The following MFHAS1 variants were observed in gnomAD, a reference collection of about 807,000 sequenced individuals.
MFHAS1 encodes malignant fibrous histiocytoma-amplified sequence 1.
Under a neutral mutation model 70.4 loss-of-function variants are expected in MFHAS1, and 50 were observed. That is an observed-to-expected ratio of 0.71 (90% CI 0.57 to 0.90). The LOEUF (loss-of-function observed/expected upper bound fraction) is 0.90. Among genes scored for constraint, MFHAS1 ranks in the 40% least tolerant of loss-of-function variants. The probability of loss-of-function intolerance (pLI) is 0.00; values close to 1 mark genes in which losing one functional copy is unlikely to be tolerated. For missense variants in MFHAS1, 1,795 were observed against 1,347.6 expected (o/e 1.33, Z -5.20); for synonymous variants, 952 against 620.0 (o/e 1.54, Z -7.96).
At chr8:8,811,197 A>T (rs1176651643) in intron 1 of MFHAS1, among the ~76,000 whole-genome samples, 1 of 152,120 alleles carries the variant, frequency 6.6e-6, no homozygotes. Context: ...AGGCCATTTG[A>T]AACCCACAGC....
At position 8,891,817 on chromosome 8, in the gene MFHAS1, C is replaced by G. The variant is rs2116954878; in HGVS notation, c.1242G>C (p.Leu414=). 6.2e-7 allele frequency: 1 copy of G among 1,613,366 alleles called. No homozygotes were observed. Among genetic ancestry groups the G allele is most frequent in the Non-Finnish European group, 8.5e-7 (1 of 1,179,970 alleles). ...TCTTTCCTGCAGCCTTATGCCCCAT[C>G]AGGAGCAGCTTGAGCCGGGGCTGCA... ...PAVQPRLKLL[L]MGHKAAGKTL... is the part of the protein sequence containing the mutation. The change falls in exon 1 of 3, where the codon CTG becomes CTC. Residue 414 remains leucine, a synonymous_variant. Coordinates refer to ENST00000276282, the MANE Select transcript of MFHAS1 (RefSeq NM_004225.3). This position sits in a 1 kb window ranked among gnomAD's most constrained non-coding sequence, Gnocchi z 5.4.
intron 1 of MFHAS1, among the ~76,000 whole-genome samples, chr8:8,827,366 C>T (rs1369745020): frequency 6.6e-6 from 1 of 152,178 alleles, no homozygotes; most frequent in Non-Finnish European, 1.5e-5. Context: ...TGTAGAAATG[C>T]CCTTCAACAG....
At chr8:8,806,618 T>C (rs1023889243) in intron 1 of MFHAS1, among the ~76,000 whole-genome samples, 6 of 152,152 alleles carry the variant, frequency 3.9e-5, no homozygotes, top group Non-Finnish European at 7.3e-5. Context: ...ACAAGAACAA[T>C]AGATGCTTTC....
intron 1 of MFHAS1, among the ~76,000 whole-genome samples, chr8:8,881,125 AT>A (rs1227117641): frequency 1.4e-4 from 21 of 152,312 alleles, no homozygotes; most frequent in African/African-American, 4.8e-4. Context: ...CTTTGCTTCT[AT>A]AAATTTACAG....
At chr8:8,846,312 AAGG>A (rs1253025348) in intron 1 of MFHAS1, among the ~76,000 whole-genome samples, 3 of 88,334 alleles carry the variant, frequency 3.4e-5, no homozygotes, top group Non-Finnish European at 6.4e-5. Flanking sequence ...GGAGGAGGGG[AAGG>A]AGGAGAAGGA....
At chr8:8,877,632 G>T (rs1030096392) in intron 1 of MFHAS1, among the ~76,000 whole-genome samples, 2 of 152,284 alleles carry the variant, frequency 1.3e-5, no homozygotes, top group East Asian at 3.9e-4. Flanking sequence ...CCAGCAGCAC[G>T]CTTAGACATG....
At chr8:8,854,640 G>T (rs1808365598) in intron 1 of MFHAS1, among the ~76,000 whole-genome samples, 1 of 150,798 alleles carries the variant, frequency 6.6e-6, no homozygotes, top group Admixed American at 6.6e-5. Context: ...AGCCAAGATT[G>T]CACCACTGCA....
Position 8,891,001 on chromosome 8 carries a change from C to A in MFHAS1, c.2058G>T (p.Ser686=), listed in dbSNP as rs779447420. 2 of 1,613,888 alleles carry A rather than the reference C, an allele frequency of 1.2e-6. No individual in the cohort carries two copies. Among genetic ancestry groups the A allele is most frequent in the Admixed American group, 3.3e-5 (2 of 60,000 alleles). The change falls in exon 1 of 3, where the codon TCG becomes TCT. Residue 686 remains serine (S), a synonymous_variant. Transcript: ENST00000276282. This position sits in a 1 kb window ranked among gnomAD's most constrained non-coding sequence, Gnocchi z 5.4. ...AQRLWLSWWD[S]ARLGLQAGLT... ...GACCCGCCTGCAGGCCCAAGCGCGC[C>A]GAGTCCCACCAGCTTAGCCACAGTC...
rs752677162 is a variant in MFHAS1, at chr8:8,892,766, C to G, written c.293G>C (p.Arg98Pro). 1 of 1,579,396 alleles carries G rather than the reference C, an allele frequency of 6.3e-7. No homozygotes were observed. Among genetic ancestry groups the G allele is most frequent in the South Asian group, 1.2e-5 (1 of 86,902 alleles). Reference protein sequence around the residue: ...SLRVLVLRRNRFARLPPAVAE... With the variant: ...SLRVLVLRRNPFARLPPAVAE... ...CACCGCCGGGGGCAGCCGGGCGAAG[C>G]GGTTCCTGCGCAGGACCAGGACGCG... Residue 98 changes from arginine (R) to proline (P), a missense_variant, in exon 1 of 3, where the codon CGC (arginine) becomes CCC (proline). By Grantham distance (103) the Arg-to-Pro change is moderately radical. Coordinates refer to ENST00000276282, the MANE Select transcript of MFHAS1 (RefSeq NM_004225.3). The surrounding 1 kb of genome is among the most constrained non-coding windows in gnomAD (Gnocchi z 4.7).
In MFHAS1 at chr8:8,892,881, C is replaced by A; in HGVS notation, c.178G>T (p.Ala60Ser). The A allele has an allele frequency of 6.3e-7, 1 of 1,584,198 alleles. No individual in the cohort carries two copies. The highest frequency in any genetic ancestry group is 8.6e-7 in the Non-Finnish European group (1 of 1,167,352). ...AGTGCCTCAATGTCCCCGAGGTTGG[C>A]CGGCAGCACGAGCTGGGGGGAGGCG... is the stretch of plus-strand genomic sequence containing the variant. ...SPASPQLVLP[A>S]NLGDIEALNL... is the part of the protein sequence containing the mutation. Residue 60 changes from alanine (A) to serine (S), a missense_variant, in exon 1 of 3, where the codon GCC becomes TCC. Ala to Ser is a moderately conservative substitution (Grantham distance 99, BLOSUM62 1). Transcript: ENST00000276282. The surrounding 1 kb of genome is among the most constrained non-coding windows in gnomAD (Gnocchi z 4.7).
intron 1 of MFHAS1, among the ~76,000 whole-genome samples, chr8:8,849,147 C>G (rs1341674106): frequency 1.5e-5 from 2 of 134,208 alleles, no homozygotes; most frequent in African/African-American, 5.5e-5. Context: ...ATGGCACGAT[C>G]TCAGCTCACT....
At chr8:8,881,925 C>T (rs1168034612) in intron 1 of MFHAS1, among the ~76,000 whole-genome samples, 1 of 152,124 alleles carries the variant, frequency 6.6e-6, no homozygotes, top group East Asian at 1.9e-4. Flanking sequence ...GTGGCCAGCT[C>T]CTGCATTAAA....
At chr8:8,859,121 G>A (rs1808564772) in intron 1 of MFHAS1, among the ~76,000 whole-genome samples, 1 of 152,204 alleles carries the variant, frequency 6.6e-6, no homozygotes, top group Non-Finnish European at 1.5e-5. Context: ...GGGAGGCTGA[G>A]ATGCAAGGAT....
chr8:8,796,690 A>AAC (rs1382067448), intron 2 of MFHAS1, among the ~76,000 whole-genome samples: 1 of 115,450 alleles, frequency 8.7e-6, no homozygotes, highest in Non-Finnish European at 1.8e-5. Context: ...TCTCAAAACA[A>AAC]AAAAAAAAAA....
chr8:8,800,912 T>C (rs1456597812), intron 1 of MFHAS1, among the ~76,000 whole-genome samples: 1 of 152,104 alleles, frequency 6.6e-6, no homozygotes, highest in Non-Finnish European at 1.5e-5. Context: ...CAGATCATTT[T>C]GCCAGAGAAT....
At position 8,802,318 on chromosome 8, in the gene MFHAS1, G is replaced by T. The variant is rs1806107904; in HGVS notation, c.2999-4827C>A. On this transcript the variant is annotated intron_variant, in intron 1 of 2. Coordinates refer to ENST00000276282, the MANE Select transcript of MFHAS1 (RefSeq NM_004225.3). ...TCACTACCAGATATCCTGTGTCAAG[G>T]ATAGCATGATGTTTAAATTAGGTAA... Among the ~76,000 whole-genome samples the T allele has an allele frequency of 2.0e-5, 3 of 152,206 alleles. No individual in the cohort carries two copies. The South Asian group carries it at 6.2e-4, about 32-fold the overall frequency.
At position 8,820,683 on chromosome 8, in the gene MFHAS1, T is replaced by C. The variant is rs376301557; in HGVS notation, c.2999-23192A>G. On this transcript the variant is annotated intron_variant, in intron 1 of 2. Transcript: ENST00000276282. ...CCATCCTGTGGTCTTTCAGAGGCCC[T>C]CTCACTTGGGGCTGGCTCCCGCTCT... 7.8e-4 allele frequency among the ~76,000 whole-genome samples: 119 copies of C among 152,284 alleles called. 3 individuals carry two copies. The South Asian group carries it at 0.024, about 31-fold the overall frequency.
chr8:8,849,046 C>G (rs557744751), intron 1 of MFHAS1, among the ~76,000 whole-genome samples: 1 of 142,120 alleles, frequency 7.0e-6, no homozygotes, highest in African/African-American at 2.6e-5. Flanking sequence ...AGCTCTGCAG[C>G]AATTAATTCC....
chr8:8,891,526 G>C lies in MFHAS1; in HGVS notation c.1533C>G (p.His511Gln), dbSNP rs1585078254. 6.2e-7 allele frequency: 1 copy of C among 1,613,110 alleles called. No homozygotes were observed. The highest frequency in any genetic ancestry group is 8.5e-7 in the Non-Finnish European group (1 of 1,180,044). The change falls in exon 1 of 3, where the codon CAC (histidine) becomes CAG (glutamine). Residue 511 changes from histidine (H) to glutamine (Q), a missense_variant. His to Gln is a conservative substitution (Grantham distance 24). Coordinates refer to ENST00000276282, the MANE Select transcript of MFHAS1 (RefSeq NM_004225.3). This position sits in a 1 kb window ranked among gnomAD's most constrained non-coding sequence, Gnocchi z 5.4. The stretch of plus-strand genomic sequence containing the variant: ...AGAAGGAGCCCACGGTGGTAGGAAA[G>C]TGGCGAGGCTCATAGGTGGCCAAGT... ...VVNLATYEPR[H>Q]FPTTVGSFLH...
Sources: allele counts gnomAD v4.1 joint callset (sites outside exome capture counted in the v4.1 genomes callset), GRCh38; gene constraint gnomAD v4.1.1; non-coding constraint Gnocchi (gnomAD v3.1); transcripts MANE v1.5; gene names NCBI Gene and HGNC (gene_info 2026-07-23, HGNC 2026-07-21).